The following TFDP2 variants were observed in gnomAD, a reference collection of about 807,000 sequenced individuals.
The protein encoded by TFDP2 is transcription factor Dp-2.
A neutral mutation model predicts 59.3 loss-of-function variants in TFDP2; 17 were observed. The observed-to-expected ratio is 0.29, with a 90% CI of 0.20 to 0.43. TFDP2 has a LOEUF of 0.43. Among genes scored for constraint, TFDP2 ranks in the 20% least tolerant of loss-of-function variants. The pLI is 1.00. For synonymous variants in TFDP2, 180 were observed against 194.7 expected, an observed-to-expected ratio of 0.92 and a Z score of 0.63; for missense variants, 391 against 528.8, an observed-to-expected ratio of 0.74 and a Z score of 2.56.
intron 3 of TFDP2, among the ~76,000 whole-genome samples, chr3:142,052,420 C>T (rs541567259): frequency 6.6e-6 from 1 of 151,858 alleles, no homozygotes; most frequent in South Asian, 2.1e-4. Flanking sequence ...TGGTGGGCGC[C>T]TGTAGTCCCA....
intron 1 of TFDP2, among the ~76,000 whole-genome samples, chr3:142,103,920 T>C (rs1005533802): frequency 6.6e-6 from 1 of 151,946 alleles, no homozygotes; most frequent in African/African-American, 2.4e-5. Flanking sequence ...GTGCAGAACA[T>C]GCAGTTTTGT....
At chr3:141,986,090 T>C (rs1011176906) in intron 6 of TFDP2, among the ~76,000 whole-genome samples, 1 of 152,168 alleles carries the variant, frequency 6.6e-6, no homozygotes. Context: ...ACCCAGCAAT[T>C]CCACTCCTTA....
chr3:142,108,393 A>G (rs951311253), intron 1 of TFDP2, among the ~76,000 whole-genome samples: 2 of 152,012 alleles, frequency 1.3e-5, no homozygotes, highest in African/African-American at 4.8e-5. Flanking sequence ...TATTTTTAGT[A>G]GAGACGGGGT....
chr3:141,956,038 C>T (rs1459195482), intron 11 of TFDP2, among the ~76,000 whole-genome samples: 1 of 152,230 alleles, frequency 6.6e-6, no homozygotes, highest in East Asian at 1.9e-4. Context: ...GAACTCCTAA[C>T]CTCAAGTGAT....
chr3:142,034,524 A>G (rs971021545), intron 3 of TFDP2, among the ~76,000 whole-genome samples: 1 of 152,182 alleles, frequency 6.6e-6, no homozygotes, highest in African/African-American at 2.4e-5. Context: ...AAAATAAAAC[A>G]AAACAAAAAA....
At chr3:142,072,446 A>C (rs995343070) in intron 3 of TFDP2, among the ~76,000 whole-genome samples, 4 of 152,224 alleles carry the variant, frequency 2.6e-5, no homozygotes, top group Admixed American at 2.0e-4. Flanking sequence ...ACAAAGGATA[A>C]AACAGTGATT....
In TFDP2 at chr3:141,950,064, C is replaced by T. The variant is rs1935770349; in HGVS notation, c.*2449G>A. ...TCAAGCAATGTGCCCGCCTCGGCCTCCCAAAGTGCTACGATTACAGGCGAG... is the reference window on the plus strand; with the variant it reads ...TCAAGCAATGTGCCCGCCTCGGCCTTCCAAAGTGCTACGATTACAGGCGAG... On this transcript the variant is annotated 3_prime_UTR_variant, in exon 13 of 13. Coordinates refer to ENST00000489671, the MANE Select transcript of TFDP2 (RefSeq NM_001178139.2). The T allele has an allele frequency of 1.3e-5, 2 of 152,106 alleles. No homozygotes were observed. Among genetic ancestry groups the T allele is most frequent in the African/African-American group, 4.8e-5 (2 of 41,392 alleles). 9.4% of individuals were successfully genotyped at this position (152,106 alleles called of 1,614,324 possible). A position where few individuals can be genotyped will look rare whatever the true frequency, so the allele number is the denominator to read the frequency against.
In TFDP2 at chr3:142,090,563, T is replaced by C. The variant is rs976720586; in HGVS notation, c.82+2498A>G. Among the ~76,000 whole-genome samples, 193 of 126,768 alleles carry C rather than the reference T, an allele frequency of 1.5e-3. 2 individuals carry two copies. The highest frequency in any genetic ancestry group is 6.6e-3 in the African/African-American group (172 of 26,072). 83.2% of individuals were successfully genotyped at this position (126,768 alleles called of 152,430 possible). ...GAAGCATTTTTCTTTCTTTCTTTCCTTTTTTTTTTTTTTTGGAGACAGACT... is the reference window on the plus strand; with the variant it reads ...GAAGCATTTTTCTTTCTTTCTTTCCCTTTTTTTTTTTTTTGGAGACAGACT... On this transcript the variant is annotated intron_variant, in intron 3 of 12. Transcript: ENST00000489671.
At chr3:141,957,208 C>T (rs1392751911) in intron 11 of TFDP2, among the ~76,000 whole-genome samples, 3 of 152,148 alleles carry the variant, frequency 2.0e-5, no homozygotes, top group Non-Finnish European at 4.4e-5. Flanking sequence ...ATCCCAGCTA[C>T]TCAGGAGGCT....
chr3:142,094,971 C>T (rs1000135469), intron 2 of TFDP2, among the ~76,000 whole-genome samples: 9 of 151,960 alleles, frequency 5.9e-5, no homozygotes, highest in Non-Finnish European at 8.8e-5. Flanking sequence ...TTGTTCTAAA[C>T]ACTGACTACT....
intron 4 of TFDP2, among the ~76,000 whole-genome samples, chr3:141,997,286 T>C (rs774157054): frequency 2.0e-5 from 3 of 152,224 alleles, no homozygotes; most frequent in South Asian, 2.1e-4. Context: ...AAAAGGTTTA[T>C]ATAAAATCCA....
At chr3:142,080,289 T>C (rs904943002) in intron 3 of TFDP2, among the ~76,000 whole-genome samples, 2 of 152,112 alleles carry the variant, frequency 1.3e-5, no homozygotes, top group Non-Finnish European at 2.9e-5. Context: ...TAAAAAATAA[T>C]GGGTTATATT....
chr3:142,146,702 T>C (rs759478657), intron 1 of TFDP2, among the ~76,000 whole-genome samples: 1 of 152,190 alleles, frequency 6.6e-6, no homozygotes, highest in Non-Finnish European at 1.5e-5. Flanking sequence ...GGTACCATGC[T>C]TGTCAGAAGA....
chr3:142,005,364 T>A, intron 4 of TFDP2, 77 bp downstream of exon 4: 3 of 1,213,108 alleles, frequency 2.5e-6, no homozygotes, highest in Non-Finnish European at 3.6e-6. Flanking sequence ...TCTGATCAAA[T>A]ATATTTAATG....
chr3:142,001,988 TG>T (rs200845498), intron 4 of TFDP2, among the ~76,000 whole-genome samples: 2,223 of 140,310 alleles, frequency 0.016, 30 homozygotes, highest in Non-Finnish European at 0.024. Context: ...CCACCATGCC[TG>T]GTTTTTTTTT....
intron 5 of TFDP2, 164 bp downstream of exon 5, chr3:141,994,856 T>G (rs1175854764): frequency 1.7e-5 from 9 of 530,844 alleles, no homozygotes; most frequent in Non-Finnish European, 2.8e-5. Flanking sequence ...ATTCCAGAGA[T>G]TATTTATATC....
In TFDP2 at chr3:142,069,653, C is replaced by T. The variant is rs147384340; in HGVS notation, c.82+23408G>A. On this transcript the variant is annotated intron_variant, in intron 3 of 12. Transcript: ENST00000489671. ...CGGAGTTTCGCTCTTGTTGCCCAGG[C>T]TGGAAGTGCAATGGTGCTATCTCAA... is the stretch of plus-strand genomic sequence containing the variant. 3.9e-3 allele frequency among the ~76,000 whole-genome samples: 587 copies of T among 151,474 alleles called. 6 individuals are homozygous for T. The highest frequency in any genetic ancestry group is 0.014 in the African/African-American group (563 of 41,242).
intron 1 of TFDP2, among the ~76,000 whole-genome samples, chr3:142,114,756 C>A (rs1018677549): frequency 6.6e-6 from 1 of 151,284 alleles, no homozygotes; most frequent in Non-Finnish European, 1.5e-5. Context: ...TATAGAAGAG[C>A]ACAAAGAAGA....
intron 3 of TFDP2, among the ~76,000 whole-genome samples, chr3:142,045,903 G>A (rs780850958): frequency 1.3e-5 from 2 of 152,078 alleles, no homozygotes; most frequent in South Asian, 2.1e-4. Flanking sequence ...GATTACAGGC[G>A]TGAGCCACTG....
Sources: gnomAD v4.1 joint callset for allele counts (sites outside exome capture counted in the v4.1 genomes callset) on GRCh38, gnomAD v4.1.1 for gene constraint, MANE v1.5 for transcripts, NCBI Gene and HGNC (gene_info 2026-07-23, HGNC 2026-07-21) for gene names.